TRPC4AP: variants seen among roughly 807,000 people sequenced by gnomAD.
TRPC4AP encodes short transient receptor potential channel 4-associated protein.
In TRPC4AP, 45 loss-of-function variants were observed where a neutral mutation model predicts 99.0. That is an observed-to-expected ratio of 0.45 (90% CI 0.36 to 0.58). The LOEUF (loss-of-function observed/expected upper bound fraction) is 0.58. Ranked by LOEUF, TRPC4AP falls within the 20% of genes least tolerant of loss-of-function variation. TRPC4AP has a pLI of 0.00. For missense variants in TRPC4AP, 879 were observed against 985.3 expected (o/e 0.89, Z 1.44); for synonymous variants, 408 against 385.8 (o/e 1.06, Z -0.67).
At chr20:35,087,033 CA>C (rs1213345089) in intron 1 of TRPC4AP, among the ~76,000 whole-genome samples, 5 of 137,348 alleles carry the variant, frequency 3.6e-5, no homozygotes, top group South Asian at 4.6e-4. Context: ...CTCCATCTCA[CA>C]AAAAAAAGAA....
At chr20:35,074,720 G>A (rs1244555102) in intron 2 of TRPC4AP, among the ~76,000 whole-genome samples, 8 of 152,184 alleles carry the variant, frequency 5.3e-5, no homozygotes, top group South Asian at 2.1e-4. Flanking sequence ...TAAGTGCGAC[G>A]TGGCGCTGAG....
intron 3 of TRPC4AP, among the ~76,000 whole-genome samples, chr20:35,061,141 C>G (rs1409403619): frequency 6.6e-6 from 1 of 152,034 alleles, no homozygotes; most frequent in East Asian, 1.9e-4. Flanking sequence ...AAGAGTTCAG[C>G]AAGATTTCAC....
rs2083509640 is a variant in TRPC4AP at position 35,044,401 on chromosome 20, A to G, written c.865+104T>C. Reference sequence around the variant, plus strand: ...AGTGACGATCCCATCTCAAAAAAGGAAAAAAAAAAAAAAAGAAAAGAAAAG... The same window carrying G: ...AGTGACGATCCCATCTCAAAAAAGGGAAAAAAAAAAAAAAGAAAAGAAAAG... On this transcript the variant is annotated intron_variant, in intron 7 of 18. Coordinates refer to ENST00000252015, the MANE Select transcript of TRPC4AP (RefSeq NM_015638.3). The G allele has an allele frequency of 8.7e-5, 34 of 389,588 alleles. No individual in the cohort carries two copies. The South Asian group carries it at 1.4e-3, about 17-fold the overall frequency. The allele number at this position is 389,588 out of a possible 1,614,324, so 24.1% of individuals were successfully genotyped here.
chr20:35,007,658 G>C lies in TRPC4AP; in HGVS notation c.1596-18C>G. The C allele has an allele frequency of 6.2e-7, 1 of 1,613,816 alleles. No individual in the cohort carries two copies. The highest frequency in any genetic ancestry group is 8.5e-7 in the Non-Finnish European group (1 of 1,179,702). On this transcript the variant is annotated intron_variant, in intron 13 of 18. Coordinates refer to ENST00000252015, the MANE Select transcript of TRPC4AP (RefSeq NM_015638.3). Reference sequence around the variant, plus strand: ...GCCAAAACCTGCGACCCAAATACTGGCTCAGGTGGCTAAGGCTGCCCTCTT... The same window carrying C: ...GCCAAAACCTGCGACCCAAATACTGCCTCAGGTGGCTAAGGCTGCCCTCTT...
chr20:35,006,786 G>C (rs544359585), intron 14 of TRPC4AP, among the ~76,000 whole-genome samples: 8 of 152,346 alleles, frequency 5.3e-5, no homozygotes, highest in African/African-American at 1.9e-4. Flanking sequence ...TGGGAATGCA[G>C]CACAATCTCT....
At chr20:35,076,682 G>A (rs550756949) in intron 2 of TRPC4AP, among the ~76,000 whole-genome samples, 1 of 152,304 alleles carries the variant, frequency 6.6e-6, no homozygotes, top group Non-Finnish European at 1.5e-5. Context: ...CTACTGGGAG[G>A]TGTCTCCCAG....
chr20:35,032,496 G>C (rs2083224032), intron 8 of TRPC4AP, among the ~76,000 whole-genome samples: 1 of 117,362 alleles, frequency 8.5e-6, no homozygotes, highest in Non-Finnish European at 1.7e-5. Flanking sequence ...TTTTGAGACA[G>C]AGTCTCGCAC....
intron 5 of TRPC4AP, among the ~76,000 whole-genome samples, chr20:35,051,587 C>T (rs1297812664): frequency 2.7e-5 from 4 of 147,230 alleles, no homozygotes; most frequent in Admixed American, 6.9e-5. Flanking sequence ...TAATACATTT[C>T]GGTTCTTCAG....
intron 1 of TRPC4AP, among the ~76,000 whole-genome samples, chr20:35,083,797 T>A (rs1462532339): frequency 1.3e-5 from 2 of 150,080 alleles, no homozygotes; most frequent in East Asian, 1.9e-4. Flanking sequence ...GGAAGACAAT[T>A]GAGGAAACAA....
chr20:35,048,535 A>G (rs773937030), intron 6 of TRPC4AP, among the ~76,000 whole-genome samples: 1 of 152,190 alleles, frequency 6.6e-6, no homozygotes, highest in Non-Finnish European at 1.5e-5. Context: ...AATTATTGAT[A>G]AATTCTGAAT....
chr20:35,038,634 G>A (rs8119799), intron 7 of TRPC4AP, among the ~76,000 whole-genome samples: 8,646 of 151,936 alleles, frequency 0.057, 820 homozygotes, highest in African/African-American at 0.2. Context: ...TCCTTCCCCC[G>A]TCCCATGATT....
chr20:35,032,544 T>G (rs2147329895), intron 8 of TRPC4AP, among the ~76,000 whole-genome samples: 1 of 144,036 alleles, frequency 6.9e-6, no homozygotes, highest in South Asian at 2.3e-4. Context: ...GGATCTCGGC[T>G]CACTGCAACC....
chr20:35,031,748 G>A (rs1259621214), intron 8 of TRPC4AP, among the ~76,000 whole-genome samples: 1 of 151,562 alleles, frequency 6.6e-6, no homozygotes, highest in African/African-American at 2.4e-5. Flanking sequence ...TTATTTTAAG[G>A]CCCTGTTTTC....
In TRPC4AP at chr20:35,047,873, T is replaced by C. The variant is rs186025581; in HGVS notation, c.657+1993A>G. Among the ~76,000 whole-genome samples, 17 of 152,174 alleles carry C rather than the reference T, an allele frequency of 1.1e-4. No individual in the cohort carries two copies. The East Asian group carries it at 3.3e-3, about 29-fold the overall frequency. ...AGGTTATAGGTAACCCATGGCAAAA[T>C]ACTGATGCCTCAGCCCTCAGGGTAA... On this transcript the variant is annotated intron_variant, in intron 6 of 18. Transcript: ENST00000252015.
chr20:35,007,267 C>T (rs547776888), intron 14 of TRPC4AP, among the ~76,000 whole-genome samples: 1 of 152,318 alleles, frequency 6.6e-6, no homozygotes, highest in South Asian at 2.1e-4. Context: ...GGAAAATTAA[C>T]TTTTAGTACA....
rs372093415 is a variant in TRPC4AP, at chr20:35,007,529, A to T, written c.1686+21T>A. ...GCTGGGGGGAGACGGAACCCAAGAC[A>T]CTGGCTGCTCCAGATCATACCTCCA... On this transcript the variant is annotated intron_variant, in intron 14 of 18. Transcript: ENST00000252015. The T allele has an allele frequency of 5.0e-6, 8 of 1,613,092 alleles. No individual in the cohort carries two copies. The African/African-American group carries it at 9.3e-5, about 19-fold the overall frequency.
intron 1 of TRPC4AP, among the ~76,000 whole-genome samples, chr20:35,086,885 T>C (rs1017286751): frequency 6.7e-6 from 1 of 150,322 alleles, no homozygotes; most frequent in African/African-American, 2.5e-5. Flanking sequence ...ATACAAAAAG[T>C]AGCCGGGCAT....
At chr20:35,079,615 G>A (rs369191711) in intron 1 of TRPC4AP, among the ~76,000 whole-genome samples, 34 of 152,132 alleles carry the variant, frequency 2.2e-4, no homozygotes, top group African/African-American at 7.9e-4. Context: ...AGATCAATAC[G>A]ATTGATAAAC....
intron 8 of TRPC4AP, among the ~76,000 whole-genome samples, chr20:35,023,789 T>C (rs2082948472): frequency 6.6e-6 from 1 of 152,184 alleles, no homozygotes; most frequent in Non-Finnish European, 1.5e-5. Flanking sequence ...GAAGGATGTT[T>C]ATGCAAGCAG....
Sources: allele counts gnomAD v4.1 joint callset (sites outside exome capture counted in the v4.1 genomes callset), GRCh38; gene constraint gnomAD v4.1.1; transcripts MANE v1.5; gene names NCBI Gene and HGNC (gene_info 2026-07-23, HGNC 2026-07-21).